The following FRMPD4 variants were observed in gnomAD, a reference collection of about 807,000 sequenced individuals.
The protein encoded by FRMPD4 is FERM and PDZ domain containing 4.
Under a neutral mutation model 94.1 loss-of-function variants are expected in FRMPD4, and 22 were observed. The observed-to-expected ratio is 0.23, with a 90% CI of 0.17 to 0.33. The LOEUF is 0.33. Ranked by LOEUF, FRMPD4 falls within the 10% of genes least tolerant of loss-of-function variation. The pLI, the probability that FRMPD4 is intolerant of heterozygous loss-of-function variation, is 1.00. For missense variants in FRMPD4, 1,111 were observed against 1,339.9 expected (o/e 0.83, Z 2.67); for synonymous variants, 631 against 548.6 (o/e 1.15, Z -2.10).
At chrX:12,146,479 G>GAC (rs1179965875) in intron 1 of FRMPD4, among the ~76,000 whole-genome samples, 1 of 102,957 alleles carries the variant, frequency 9.7e-6, no homozygotes, top group African/African-American at 3.4e-5. Flanking sequence ...CACACATACA[G>GAC]AGACACACAC....
chrX:12,073,225 A>G (rs1265825580), intron 3 of FRMPD4, among the ~76,000 whole-genome samples: 2 of 111,521 alleles, frequency 1.8e-5, no homozygotes, highest in Non-Finnish European at 3.8e-5. Flanking sequence ...GTACGCATAT[A>G]TGAGAGCTTC....
intron 3 of FRMPD4, among the ~76,000 whole-genome samples, chrX:12,038,412 C>T (rs2147439881): frequency 8.9e-6 from 1 of 112,150 alleles, no homozygotes; most frequent in African/African-American, 3.2e-5. Flanking sequence ...TGTAATCGTT[C>T]TTTATATATT....
At chrX:12,362,902 C>A (rs1349243994) in intron 1 of FRMPD4, among the ~76,000 whole-genome samples, 2 of 111,948 alleles carry the variant, frequency 1.8e-5, no homozygotes, top group Admixed American at 1.9e-4. Context: ...GCCATTCTAA[C>A]TGGTGTGAGA....
chrX:11,951,952 C>G (rs2054226600), intron 3 of FRMPD4, among the ~76,000 whole-genome samples: 1 of 112,251 alleles, frequency 8.9e-6, no homozygotes, highest in South Asian at 3.8e-4. Flanking sequence ...GGGAGGATCA[C>G]TTAAGCCTGG....
chrX:12,560,336 AG>A (rs2058639745), intron 2 of FRMPD4, among the ~76,000 whole-genome samples: 1 of 110,593 alleles, frequency 9.0e-6, no homozygotes, highest in Non-Finnish European at 1.9e-5. Context: ...GAAATCAGCA[AG>A]AAAAAATTTA....
chrX:12,718,804 G>A lies in FRMPD4; in HGVS notation c.3964+14G>A, dbSNP rs984022483. 2 of 1,061,570 alleles carry A rather than the reference G, an allele frequency of 1.9e-6. No individual in the cohort carries two copies. Among genetic ancestry groups the A allele is most frequent in the Non-Finnish European group, 2.6e-6 (2 of 763,271 alleles). The allele number at this position is 1,061,570 out of a possible 1,213,427, so 87.5% of individuals were successfully genotyped here. A position where few individuals can be genotyped will look rare whatever the true frequency, so the allele number is the denominator to read the frequency against. Reference sequence around the variant, plus strand: ...AGGAAACCACAGGTACAGCAATGATGGATTTAGCACTTTGTATGACATGCC... The same window carrying A: ...AGGAAACCACAGGTACAGCAATGATAGATTTAGCACTTTGTATGACATGCC... On this transcript the variant is annotated intron_variant, in intron 16 of 16. Transcript: ENST00000675598.
intron 4 of FRMPD4, among the ~76,000 whole-genome samples, chrX:12,673,016 G>A (rs773742508): frequency 1.2e-4 from 13 of 111,727 alleles, no homozygotes; most frequent in Non-Finnish European, 2.3e-4. Flanking sequence ...GTGCTCAGTC[G>A]TGAATGTGAC....
At position 12,106,247 on chromosome X, in the gene FRMPD4, C is replaced by T. The variant is rs183514758; in HGVS notation, c.95+228229C>T. Among the ~76,000 whole-genome samples, 342 of 112,213 alleles carry T rather than the reference C, an allele frequency of 3.0e-3. 1 individual carries two copies. The highest frequency in any genetic ancestry group is 0.011 in the African/African-American group (332 of 30,910). On this transcript the variant is annotated intron_variant, in intron 3 of 18. Transcript: ENST00000640291. ...AACAGTGAGAATGTCCTTGGAGAGG[C>T]AGCTTTGGATTGAAAACAATGCCAC...
intron 1 of FRMPD4, among the ~76,000 whole-genome samples, chrX:12,391,754 G>C (rs766168254): frequency 2.7e-5 from 3 of 111,067 alleles, no homozygotes; most frequent in African/African-American, 6.5e-5. Context: ...CTTCTGGATA[G>C]AGCAGGAACA....
At chrX:12,471,801 T>C (rs1484323116) in intron 1 of FRMPD4, among the ~76,000 whole-genome samples, 1 of 112,160 alleles carries the variant, frequency 8.9e-6, no homozygotes, top group African/African-American at 3.2e-5. Flanking sequence ...TTGGCACTCT[T>C]GACAAGTGTC....
intron 13 of FRMPD4, among the ~76,000 whole-genome samples, chrX:12,709,390 A>G (rs2041940995): frequency 8.9e-6 from 1 of 111,932 alleles, no homozygotes; most frequent in Admixed American, 9.4e-5. Context: ...TTCAACAAAA[A>G]CACATCCTTC....
At chrX:12,153,585 A>G (rs771704368) in intron 1 of FRMPD4, among the ~76,000 whole-genome samples, 6 of 112,358 alleles carry the variant, frequency 5.3e-5, no homozygotes, top group Non-Finnish European at 1.1e-4. Context: ...ATAAACTTTC[A>G]TTTATTTAGA....
chrX:12,353,286 G>A (rs2055843009), intron 1 of FRMPD4, among the ~76,000 whole-genome samples: 1 of 112,079 alleles, frequency 8.9e-6, no homozygotes, highest in Non-Finnish European at 1.9e-5. Context: ...AGAAAGAACA[G>A]CTCGAGCCGA....
At chrX:11,922,888 G>A (rs1197039860) in intron 3 of FRMPD4, among the ~76,000 whole-genome samples, 1 of 112,809 alleles carries the variant, frequency 8.9e-6, no homozygotes, top group Non-Finnish European at 1.9e-5. Flanking sequence ...ACATCAGATG[G>A]GGCAGGTCTG....
intron 3 of FRMPD4, among the ~76,000 whole-genome samples, chrX:12,048,027 T>G (rs968535180): frequency 6.2e-5 from 7 of 112,552 alleles, no homozygotes; most frequent in Non-Finnish European, 9.4e-5. Flanking sequence ...GTAATGGGAT[T>G]GCTGGGTTGA....
intron 1 of FRMPD4, among the ~76,000 whole-genome samples, chrX:12,158,201 G>C (rs755578476): frequency 9.0e-6 from 1 of 111,506 alleles, no homozygotes; most frequent in Non-Finnish European, 1.9e-5. Flanking sequence ...TTTATTGTTT[G>C]AATTGGAGGT....
chrX:12,553,174 A>AAGAG (rs1395268340), intron 2 of FRMPD4, among the ~76,000 whole-genome samples: 1 of 103,263 alleles, frequency 9.7e-6, no homozygotes, highest in East Asian at 2.8e-4. Context: ...TAAAGTAAGA[A>AAGAG]AGAAAGAAAG....
intron 1 of FRMPD4, among the ~76,000 whole-genome samples, chrX:12,320,908 A>G (rs1352522858): frequency 8.9e-6 from 1 of 112,350 alleles, no homozygotes; most frequent in Non-Finnish European, 1.9e-5. Flanking sequence ...CAGCCTAAGT[A>G]CCAACAGAGA....
intron 3 of FRMPD4, among the ~76,000 whole-genome samples, chrX:12,068,886 A>G (rs898662920): frequency 8.9e-6 from 1 of 112,599 alleles, no homozygotes; most frequent in South Asian, 3.7e-4. Flanking sequence ...TAGGAACTTT[A>G]TAAGAAAAAA....
Sources: gnomAD v4.1 joint callset for allele counts (sites outside exome capture counted in the v4.1 genomes callset) on GRCh38, gnomAD v4.1.1 for gene constraint, MANE v1.5 for transcripts, NCBI Gene and HGNC (gene_info 2026-07-23, HGNC 2026-07-21) for gene names.